Variants in DTHD1 observed in about 807,000 individuals in gnomAD.
The protein encoded by DTHD1 is death domain-containing protein 1.
A neutral mutation model predicts 74.8 loss-of-function variants in DTHD1; 59 were observed. The ratio of observed to expected loss-of-function variants is 0.79; its 90% confidence interval spans 0.64 to 0.98. The LOEUF (loss-of-function observed/expected upper bound fraction) is 0.98, where lower values mean the gene tolerates loss of function less well. Among genes scored for constraint, DTHD1 ranks in the 50% least tolerant of loss-of-function variants. The pLI is 0.00. For missense variants in DTHD1, 1,051 were observed against 1,065.4 expected (o/e 0.99, Z 0.19); for synonymous variants, 365 against 371.1 (o/e 0.98, Z 0.19).
At chr4:36,337,953 A>G (rs894598687) in intron 8 of DTHD1, among the ~76,000 whole-genome samples, 4 of 152,196 alleles carry the variant, frequency 2.6e-5, no homozygotes, top group Non-Finnish European at 5.9e-5. Flanking sequence ...AGATTTCCTT[A>G]GTGGTTGCTT....
At chr4:36,322,303 C>T (rs1451798320) in intron 8 of DTHD1, among the ~76,000 whole-genome samples, 1 of 152,148 alleles carries the variant, frequency 6.6e-6, no homozygotes, top group Admixed American at 6.5e-5. Context: ...GCTCAATAAA[C>T]ATGAGTGAAT....
chr4:36,343,049 C>A (rs141728823), intron 9 of DTHD1, among the ~76,000 whole-genome samples: 2 of 151,932 alleles, frequency 1.3e-5, no homozygotes, highest in East Asian at 3.9e-4. Context: ...CCAGCTCACA[C>A]GACTGCACTC....
At chr4:36,339,330 T>C (rs1759188496) in intron 9 of DTHD1, among the ~76,000 whole-genome samples, 161 bp downstream of exon 9, 1 of 152,248 alleles carries the variant, frequency 6.6e-6, no homozygotes, top group Admixed American at 6.5e-5. Context: ...TGGGAGGTCA[T>C]ATACAAATAA....
intron 7 of DTHD1, among the ~76,000 whole-genome samples, chr4:36,313,956 A>G (rs1355826449): frequency 6.6e-6 from 1 of 151,920 alleles, no homozygotes; most frequent in Non-Finnish European, 1.5e-5. Flanking sequence ...TACCTAATTT[A>G]CTATTTAGAT....
At chr4:36,309,892 TG>T (rs1181796040) in intron 7 of DTHD1, among the ~76,000 whole-genome samples, 2 of 152,230 alleles carry the variant, frequency 1.3e-5, no homozygotes, top group Non-Finnish European at 2.9e-5. Context: ...TTTCTATTGT[TG>T]CCATCCTCAT....
At chr4:36,314,752 T>A (rs890844115) in intron 7 of DTHD1, among the ~76,000 whole-genome samples, 1 of 127,966 alleles carries the variant, frequency 7.8e-6, no homozygotes, top group Non-Finnish European at 1.7e-5. Context: ...TCTGAGTTTT[T>A]TTTTTTTTTT....
chr4:36,303,720 C>T (rs946434331), intron 5 of DTHD1, among the ~76,000 whole-genome samples: 5 of 152,178 alleles, frequency 3.3e-5, no homozygotes, highest in African/African-American at 1.2e-4. Context: ...ACAGATATAG[C>T]ACAGATTAGC....
At chr4:36,320,904 A>C (rs949620729) in intron 8 of DTHD1, among the ~76,000 whole-genome samples, 2 of 152,384 alleles carry the variant, frequency 1.3e-5, no homozygotes, top group South Asian at 2.1e-4. Context: ...CAAAATTAAA[A>C]GTGCTTCACA....
At position 36,289,936 on chromosome 4, in the gene DTHD1, CAT is replaced by C. The variant is rs151130038; in HGVS notation, c.888-432_888-431del. Among the ~76,000 whole-genome samples the C allele has an allele frequency of 7.3e-3, 1,115 of 151,900 alleles. 16 individuals are homozygous for C. The highest frequency in any genetic ancestry group is 0.026 in the African/African-American group (1,065 of 41,422). On this transcript the variant is annotated intron_variant, in intron 2 of 9. Coordinates refer to ENST00000639862, the MANE Select transcript of DTHD1 (RefSeq NM_001170700.3). Reference sequence around the variant, plus strand: ...GTGTGTTTAGACAATTCTAATACTTCATATATGTTTACTCCCTCTCCTCACAA... The same window carrying C: ...GTGTGTTTAGACAATTCTAATACTTCATATGTTTACTCCCTCTCCTCACAA...
At chr4:36,306,973 T>C (rs550844509) in intron 6 of DTHD1, among the ~76,000 whole-genome samples, 9 of 152,282 alleles carry the variant, frequency 5.9e-5, no homozygotes, top group Admixed American at 2.6e-4. Flanking sequence ...AGGAGGAAGA[T>C]GGAAAAAACC....
At position 36,311,480 on chromosome 4, in the gene DTHD1, C is replaced by T. The variant is rs557561401; in HGVS notation, c.2095+2987C>T. Among the ~76,000 whole-genome samples the T allele has an allele frequency of 2.0e-5, 3 of 151,266 alleles. No individual in the cohort carries two copies. In the South Asian group the frequency reaches 6.4e-4, roughly 32 times the overall value. On this transcript the variant is annotated intron_variant, in intron 7 of 9. Coordinates refer to ENST00000639862, the MANE Select transcript of DTHD1 (RefSeq NM_001170700.3). Reference sequence around the variant, plus strand: ...TCGCCCTCCCCACCCCCACCCTCACCCCCAGTTCTCTCCTGCTGTATCTTC... The same window carrying T: ...TCGCCCTCCCCACCCCCACCCTCACTCCCAGTTCTCTCCTGCTGTATCTTC...
intron 9 of DTHD1, among the ~76,000 whole-genome samples, chr4:36,343,145 C>T (rs1759415616): frequency 6.6e-6 from 1 of 152,108 alleles, no homozygotes; most frequent in African/African-American, 2.4e-5. Context: ...TCAGCACCAG[C>T]ATCTTCTGGG....
At chr4:36,316,116 T>C in intron 7 of DTHD1, 126 bp from the exon 8 acceptor site, 1 of 836,818 alleles carries the variant, frequency 1.2e-6, no homozygotes, top group Non-Finnish European at 1.8e-6. Flanking sequence ...TTTGTATTTT[T>C]AGTAGAGACG....
At position 36,343,964 on chromosome 4, in the gene DTHD1, A is replaced by G; in HGVS notation, c.*140A>G. 1 of 820,896 alleles carries G rather than the reference A, an allele frequency of 1.2e-6. No homozygotes were observed. The highest frequency in any genetic ancestry group is 1.9e-6 in the Non-Finnish European group (1 of 539,490). 50.9% of individuals were successfully genotyped at this position (820,896 alleles called of 1,614,324 possible). On this transcript the variant is annotated 3_prime_UTR_variant, in exon 10 of 10. Transcript: ENST00000639862. ...GATGTGCTATTTAATGATGTGAGAC[A>G]AAGGGAGAAGCACGGATCAGATAAT...
chr4:36,298,044 CT>C (rs546205192), intron 5 of DTHD1, among the ~76,000 whole-genome samples: 26 of 150,976 alleles, frequency 1.7e-4, no homozygotes, highest in South Asian at 4.2e-4. Flanking sequence ...GAATAAGCCA[CT>C]TTTTTTTTGC....
intron 8 of DTHD1, among the ~76,000 whole-genome samples, chr4:36,337,957 G>T (rs1346163158): frequency 6.6e-6 from 1 of 152,156 alleles, no homozygotes; most frequent in Admixed American, 6.5e-5. Context: ...TTCCTTAGTG[G>T]TTGCTTTTTA....
intron 9 of DTHD1, 119 bp from the exon 10 acceptor site, chr4:36,343,383 A>T (rs1297601500): frequency 1.1e-6 from 1 of 931,434 alleles, no homozygotes; most frequent in Admixed American, 2.9e-5. Flanking sequence ...ATATCTCTGC[A>T]CTGCTCCAAG....
chr4:36,290,166 G>A (rs780478453), intron 2 of DTHD1, among the ~76,000 whole-genome samples: 25 of 151,980 alleles, frequency 1.6e-4, no homozygotes, highest in Non-Finnish European at 2.5e-4. Flanking sequence ...TCATACTCCC[G>A]TGAGATAGGT....
chr4:36,300,164 ATTTG>A (rs1183070993), intron 5 of DTHD1, among the ~76,000 whole-genome samples: 5 of 152,080 alleles, frequency 3.3e-5, no homozygotes, highest in Non-Finnish European at 7.4e-5. Flanking sequence ...TTAGCTTCTA[ATTTG>A]TTTGAGAACT....
Sources: allele counts gnomAD v4.1 joint callset (sites outside exome capture counted in the v4.1 genomes callset), GRCh38; gene constraint gnomAD v4.1.1; transcripts MANE v1.5; gene names NCBI Gene and HGNC (gene_info 2026-07-23, HGNC 2026-07-21).